The following FAM120A variants were observed in gnomAD, a reference collection of about 807,000 sequenced individuals.
FAM120A encodes family with sequence similarity 120 member A, also known as constitutive coactivator of PPAR-gamma-like protein 1.
Under a neutral mutation model 109.7 loss-of-function variants are expected in FAM120A, and 15 were observed. The observed-to-expected ratio is 0.14, with a 90% CI of 0.09 to 0.21. The LOEUF is 0.21. FAM120A is among the 10% of genes least tolerant of loss of function. FAM120A has a pLI of 1.00. For synonymous variants in FAM120A, 493 were observed against 572.8 expected, an observed-to-expected ratio of 0.86 and a Z score of 1.99; for missense variants, 899 against 1,439.3, an observed-to-expected ratio of 0.62 and a Z score of 6.07.
At chr9:93,457,978 T>TA (rs1857625566) in intron 1 of FAM120A, among the ~76,000 whole-genome samples, 1 of 152,158 alleles carries the variant, frequency 6.6e-6, no homozygotes, top group Admixed American at 6.5e-5. Flanking sequence ...TATTCTTCAT[T>TA]ATATACTTCT....
At chr9:93,528,277 T>C (rs1265287255) in intron 8 of FAM120A, among the ~76,000 whole-genome samples, 1 of 152,244 alleles carries the variant, frequency 6.6e-6, no homozygotes, top group Non-Finnish European at 1.5e-5. Flanking sequence ...AGACTAATTT[T>C]GGCACTTTGT....
chr9:93,550,529 G>A (rs1178406419), intron 11 of FAM120A, 48 bp from the exon 12 acceptor site: 5 of 1,418,878 alleles, frequency 3.5e-6, no homozygotes, highest in South Asian at 1.1e-5. Flanking sequence ...TCTATATGAC[G>A]GGCGACCACT....
At chr9:93,562,873 C>T (rs1419816716) in intron 17 of FAM120A, among the ~76,000 whole-genome samples, 3 of 152,056 alleles carry the variant, frequency 2.0e-5, no homozygotes, top group Admixed American at 1.3e-4. Flanking sequence ...CCATGTTGGC[C>T]AGGCTGGTCT....
At chr9:93,544,585 C>CT (rs958907954) in intron 11 of FAM120A, among the ~76,000 whole-genome samples, 10 of 152,156 alleles carry the variant, frequency 6.6e-5, no homozygotes, top group East Asian at 3.9e-4. Flanking sequence ...ATACAGAAAC[C>CT]TTTTTTTTAA....
At position 93,471,341 on chromosome 9, in the gene FAM120A, A is replaced by G. The variant is rs1269072732; in HGVS notation, c.675A>G (p.Gln225=). ...SQYLMHEVAK[Q]LDLNPNRFPI... is the part of the protein sequence containing the mutation. ...ATCTGATGCATGAAGTTGCCAAGCA[A>G]CTGGACCTGAATCCAAATCGTTTTC... The change falls in exon 2 of 18, where the codon CAA becomes CAG. Residue 225 remains glutamine, a synonymous_variant. Coordinates refer to ENST00000277165, the MANE Select transcript of FAM120A (RefSeq NM_014612.5). 6.2e-7 allele frequency: 1 copy of G among 1,614,234 alleles called. No individual in the cohort carries two copies. The highest frequency in any genetic ancestry group is 8.5e-7 in the Non-Finnish European group (1 of 1,180,038).
At chr9:93,466,420 G>A (rs113106996) in intron 1 of FAM120A, among the ~76,000 whole-genome samples, 4 of 152,146 alleles carry the variant, frequency 2.6e-5, no homozygotes, top group Admixed American at 6.5e-5. Context: ...GGGTTGGCCC[G>A]TGTGACACAT....
rs150536769 is a variant in FAM120A, at chr9:93,550,330, A to C, written c.2160-247A>C. 2.2e-4 allele frequency among the ~76,000 whole-genome samples: 34 copies of C among 152,348 alleles called. No individual in the cohort carries two copies. The East Asian group carries it at 4.4e-3, about 20-fold the overall frequency. On this transcript the variant is annotated intron_variant, in intron 11 of 17. Transcript: ENST00000277165. Reference sequence around the variant, plus strand: ...TTGTATCAAAAATCACTGACTAGCTAGTTTTCAGTATCCACAATTCAGTGT... The same window carrying C: ...TTGTATCAAAAATCACTGACTAGCTCGTTTTCAGTATCCACAATTCAGTGT...
intron 3 of FAM120A, among the ~76,000 whole-genome samples, chr9:93,485,372 G>A (rs186077649): frequency 6.6e-6 from 1 of 152,236 alleles, no homozygotes; most frequent in Non-Finnish European, 1.5e-5. Context: ...AAGGTGGGAA[G>A]ATCACTTGAG....
rs989756484 is a variant in FAM120A, at chr9:93,532,473, G to A, written c.1909+144G>A. On this transcript the variant is annotated intron_variant, in intron 10 of 17. Coordinates refer to ENST00000277165, the MANE Select transcript of FAM120A (RefSeq NM_014612.5). This position sits in a 1 kb window ranked among gnomAD's most constrained non-coding sequence, Gnocchi z 4.3. ...GGTGGGCCCATCATCGGGGCAGTAG[G>A]CCAGGGTAAAGGCTCTTAGAAAAGG... The A allele has an allele frequency of 3.4e-5, 27 of 798,898 alleles. 1 individual carries two copies. In the African/African-American group the frequency reaches 4.7e-4, roughly 14 times the overall value. 49.5% of individuals were successfully genotyped at this position (798,898 alleles called of 1,614,324 possible).
At chr9:93,558,069 T>C in intron 14 of FAM120A, 59 bp downstream of exon 14, 2 of 1,472,822 alleles carry the variant, frequency 1.4e-6, no homozygotes, top group Non-Finnish European at 1.8e-6. Context: ...GTAAAGAAAG[T>C]GCAGCCCTTA....
At position 93,500,873 on chromosome 9, in the gene FAM120A, C is replaced by T. The variant is rs750505675; in HGVS notation, c.1030+1987C>T. Among the ~76,000 whole-genome samples the T allele has an allele frequency of 1.3e-5, 2 of 152,114 alleles. No individual in the cohort carries two copies. Among genetic ancestry groups the T allele is most frequent in the Non-Finnish European group, 2.9e-5 (2 of 68,034 alleles). The stretch of plus-strand genomic sequence containing the variant: ...CCTGTGGCCTACTGCCTCCTGACCT[C>T]GAGCTCCCTATTTTATAGAATGGGG... On this transcript the variant is annotated intron_variant, in intron 5 of 17. Coordinates refer to ENST00000277165, the MANE Select transcript of FAM120A (RefSeq NM_014612.5). This position sits in a 1 kb window ranked among gnomAD's most constrained non-coding sequence, Gnocchi z 4.6.
chr9:93,550,499 A>G, intron 11 of FAM120A, 78 bp from the exon 12 acceptor site: 1 of 1,030,158 alleles, frequency 9.7e-7, no homozygotes, highest in Non-Finnish European at 1.5e-6. Context: ...GGATTTACCT[A>G]GAACCTCCCA....
chr9:93,479,241 G>A (rs1315034728), intron 3 of FAM120A, among the ~76,000 whole-genome samples: 1 of 151,112 alleles, frequency 6.6e-6, no homozygotes, highest in African/African-American at 2.4e-5. Context: ...TGGGACTACA[G>A]GCGCCCGCCA....
intron 10 of FAM120A, among the ~76,000 whole-genome samples, chr9:93,541,830 G>A (rs535557708): frequency 6.6e-6 from 1 of 152,292 alleles, no homozygotes; most frequent in African/African-American, 2.4e-5. Context: ...GTTCCTATAC[G>A]TGACACTGTT....
chr9:93,477,839 A>G (rs1291573813), intron 3 of FAM120A, among the ~76,000 whole-genome samples: 1 of 152,262 alleles, frequency 6.6e-6, no homozygotes, highest in Non-Finnish European at 1.5e-5. Flanking sequence ...ATCTATTGCC[A>G]AGTGAATAAC....
At chr9:93,455,612 G>A (rs1014577937) in intron 1 of FAM120A, among the ~76,000 whole-genome samples, 1 of 152,042 alleles carries the variant, frequency 6.6e-6, no homozygotes, top group African/African-American at 2.4e-5. Flanking sequence ...GTGCTTTCTA[G>A]TGTTTTGTAA....
rs1199169933 is a variant in FAM120A, at chr9:93,452,286, G to A, written c.371G>A (p.Ser124Asn). 25 of 1,612,796 alleles carry A rather than the reference G, an allele frequency of 1.6e-5. No homozygotes were observed. Among genetic ancestry groups the A allele is most frequent in the Non-Finnish European group, 1.8e-5 (21 of 1,179,858 alleles). ...CGCCAGACGGCACAGCAGATCGTCA[G>A]CCATGTCCAGAACAAGGGCACCCCG... ...NERQTAQQIV[S>N]HVQNKGTPPP... Residue 124 changes from serine (S) to asparagine (N), a missense_variant, in exon 1 of 18, where the codon AGC (serine) becomes AAC (asparagine). Physicochemically the swap from Ser to Asn is conservative, Grantham distance 46. Coordinates refer to ENST00000277165, the MANE Select transcript of FAM120A (RefSeq NM_014612.5). The surrounding 1 kb of genome is among the most constrained non-coding windows in gnomAD (Gnocchi z 7.0).
chr9:93,543,672 GTA>G (rs1861785815), intron 11 of FAM120A, among the ~76,000 whole-genome samples: 1 of 152,208 alleles, frequency 6.6e-6, no homozygotes, highest in South Asian at 2.1e-4. Context: ...ATATGATACA[GTA>G]TGTTTATAGG....
Position 93,452,642 on chromosome 9 carries a change from G to A in FAM120A, c.474+253G>A. 1.3e-6 allele frequency: 2 copies of A among 1,599,212 alleles called. No individual in the cohort carries two copies. The highest frequency in any genetic ancestry group is 1.7e-6 in the Non-Finnish European group (2 of 1,179,914). On this transcript the variant is annotated intron_variant, in intron 1 of 17. Coordinates refer to ENST00000277165, the MANE Select transcript of FAM120A (RefSeq NM_014612.5). This position sits in a 1 kb window ranked among gnomAD's most constrained non-coding sequence, Gnocchi z 7.0. Reference sequence around the variant, plus strand: ...CCGCGTGGGGACACTTGAGGGCTGGGAGAGAGCCCCGGACCAGAATTCGGA... The same window carrying A: ...CCGCGTGGGGACACTTGAGGGCTGGAAGAGAGCCCCGGACCAGAATTCGGA...
Sources: allele counts gnomAD v4.1 joint callset (sites outside exome capture counted in the v4.1 genomes callset), GRCh38; gene constraint gnomAD v4.1.1; non-coding constraint Gnocchi (gnomAD v3.1); transcripts MANE v1.5; gene names NCBI Gene and HGNC (gene_info 2026-07-23, HGNC 2026-07-21).